The following KIAA1614 variants were observed in gnomAD, a reference collection of about 807,000 sequenced individuals.
KIAA1614 encodes KIAA1614, also known as uncharacterized protein KIAA1614.
Under a neutral mutation model 88.7 loss-of-function variants are expected in KIAA1614, and 76 were observed. The ratio of observed to expected loss-of-function variants is 0.86; its 90% CI spans 0.71 to 1.04. The LOEUF (loss-of-function observed/expected upper bound fraction) is 1.04. Among genes scored for constraint, KIAA1614 ranks in the 50% least tolerant of loss-of-function variants. The pLI is 0.00. For missense variants in KIAA1614, 1,553 were observed against 1,582.5 expected (o/e 0.98, Z 0.32); for synonymous variants, 714 against 675.5 (o/e 1.06, Z -0.88).
Position 180,935,441 on chromosome 1 carries a change from C to T in KIAA1614, c.1532C>T (p.Thr511Ile), listed in dbSNP as rs1239349579. 19 of 1,478,994 alleles carry T rather than the reference C, an allele frequency of 1.3e-5. No individual in the cohort carries two copies. Among genetic ancestry groups the T allele is most frequent in the Admixed American group, 4.8e-5 (2 of 41,664 alleles). The allele number at this position is 1,478,994 out of a possible 1,614,324, so 91.6% of individuals were successfully genotyped here. A position where few individuals can be genotyped will look rare whatever the true frequency, so the allele number is the denominator to read the frequency against. The change falls in exon 5 of 9, where the codon ACA becomes ATA. Residue 511 changes from threonine (T) to isoleucine (I), a missense_variant. Physicochemically the swap from Thr to Ile is moderately conservative, Grantham distance 89 (BLOSUM62 -1). Coordinates refer to ENST00000367588, the MANE Select transcript of KIAA1614 (RefSeq NM_020950.2). The surrounding 1 kb of genome is among the most constrained non-coding windows in gnomAD (Gnocchi z 6.1). Reference protein sequence around the residue: ...APRLRDAGQGTFHRLVGSLDR... With the variant: ...APRLRDAGQGIFHRLVGSLDR... Reference sequence around the variant, plus strand: ...CGGCTCCGGGACGCGGGGCAGGGGACATTCCACAGGCTTGTGGGCAGCCTG... The same window carrying T: ...CGGCTCCGGGACGCGGGGCAGGGGATATTCCACAGGCTTGTGGGCAGCCTG...
chr1:180,916,510 C>T lies in KIAA1614; in HGVS notation c.407C>T (p.Pro136Leu), dbSNP rs768880237. The change falls in exon 2 of 9, where the codon CCA becomes CTA. Residue 136 changes from proline to leucine, a missense_variant. Physicochemically the swap from Pro to Leu is moderately conservative, Grantham distance 98. Transcript: ENST00000367588. The part of the protein sequence containing the change: ...AGTPSEGSFL[P>L]GAVVAPRTQN... ...ACTCCATCAGAGGGGTCTTTCCTGC[C>T]AGGTGCTGTGGTGGCTCCTCGTACC... 6.2e-7 allele frequency: 1 copy of T among 1,614,052 alleles called. No homozygotes were observed. The highest frequency in any genetic ancestry group is 1.7e-5 in the Admixed American group (1 of 60,028).
chr1:180,939,055 C>T (rs1406736274), intron 6 of KIAA1614, among the ~76,000 whole-genome samples: 5 of 152,080 alleles, frequency 3.3e-5, no homozygotes, highest in Non-Finnish European at 7.4e-5. Flanking sequence ...CTTGGATTCT[C>T]GAAAGTAACC....
chr1:180,919,888 G>A (rs751414040), intron 3 of KIAA1614, among the ~76,000 whole-genome samples: 11 of 152,146 alleles, frequency 7.2e-5, no homozygotes, highest in African/African-American at 2.2e-4. Context: ...CAGGGTGTGC[G>A]TACCTGTGTA....
intron 3 of KIAA1614, among the ~76,000 whole-genome samples, chr1:180,921,107 G>C (rs1035324816): frequency 1.3e-5 from 2 of 152,122 alleles, no homozygotes; most frequent in Non-Finnish European, 1.5e-5. Flanking sequence ...CAGAAGGGCT[G>C]AGTCCAAAAA....
chr1:180,923,655 A>C (rs1353740868), intron 3 of KIAA1614, among the ~76,000 whole-genome samples: 1 of 152,180 alleles, frequency 6.6e-6, no homozygotes, highest in Non-Finnish European at 1.5e-5. Flanking sequence ...AGTGCCTGCA[A>C]GTGTGTGCAG....
intron 7 of KIAA1614, among the ~76,000 whole-genome samples, chr1:180,943,183 C>T (rs1654509052): frequency 6.6e-6 from 1 of 152,130 alleles, no homozygotes; most frequent in Non-Finnish European, 1.5e-5. Flanking sequence ...TAGGCCACCA[C>T]AGCCGGCTAA....
In KIAA1614 at chr1:180,945,963, C is replaced by T. The variant is rs10157421; in HGVS notation, c.*375C>T. 2.1e-5 allele frequency: 5 copies of T among 235,076 alleles called. No individual in the cohort carries two copies. The East Asian group carries it at 5.1e-4, about 24-fold the overall frequency. 14.6% of individuals were successfully genotyped at this position (235,076 alleles called of 1,614,324 possible). On this transcript the variant is annotated 3_prime_UTR_variant, in exon 9 of 9. Transcript: ENST00000367588. ...TACTAAAAATACAAAATTAGCTGGG[C>T]GTGGTGGCGCATGCCTATAATCCCA...
At position 180,935,483 on chromosome 1, in the gene KIAA1614, C is replaced by A; in HGVS notation, c.1574C>A (p.Pro525Gln). 1 of 1,480,694 alleles carries A rather than the reference C, an allele frequency of 6.8e-7. No individual in the cohort carries two copies. The allele number at this position is 1,480,694 out of a possible 1,614,324, so 91.7% of individuals were successfully genotyped here. The change falls in exon 5 of 9, where the codon CCG becomes CAG. Residue 525 changes from proline to glutamine, a missense_variant. Transcript: ENST00000367588. The surrounding 1 kb of genome is among the most constrained non-coding windows in gnomAD (Gnocchi z 6.1). ...GGCAGCCTGGACCGCAGGGGACACC[C>A]GGCACCGCCGGCACCGGGCAGCGAG... ...LVGSLDRRGH[P>Q]APPAPGSERR...
At position 180,946,731 on chromosome 1, in the gene KIAA1614, G is replaced by GA. The variant is rs538986186; in HGVS notation, c.*1149dup. ...TCCTAGCTCAATGCTGTTTAGCCTG[G>GA]AAAAAAGTCTGCCTGCTACCACATT... On this transcript the variant is annotated 3_prime_UTR_variant, in exon 9 of 9. Transcript: ENST00000367588. 1 of 152,206 alleles carries GA rather than the reference G, an allele frequency of 6.6e-6. No individual in the cohort carries two copies. The highest frequency in any genetic ancestry group is 1.5e-5 in the Non-Finnish European group (1 of 68,040). The allele number at this position is 152,206 out of a possible 1,614,324, so 9.4% of individuals were successfully genotyped here. A position where few individuals can be genotyped will look rare whatever the true frequency, so the allele number is the denominator to read the frequency against.
rs781745017 is a variant in KIAA1614, at chr1:180,917,889, T to C, written c.1036T>C (p.Ser346Pro). ...VGDVDWASGT[S>P]LQDSGQNRTV... ...GGATGTGGACTGGGCCTCGGGCACC[T>C]CCTTGCAGGACTCCGGCCAGAACAG... Residue 346 changes from serine to proline, a missense_variant, in exon 3 of 9, where the codon TCC becomes CCC. Coordinates refer to ENST00000367588, the MANE Select transcript of KIAA1614 (RefSeq NM_020950.2). The C allele has an allele frequency of 3.7e-6, 6 of 1,613,944 alleles. No homozygotes were observed. Among genetic ancestry groups the C allele is most frequent in the South Asian group, 1.1e-5 (1 of 91,080 alleles).
At chr1:180,919,740 A>G (rs1653912728) in intron 3 of KIAA1614, among the ~76,000 whole-genome samples, 1 of 152,168 alleles carries the variant, frequency 6.6e-6, no homozygotes, top group Non-Finnish European at 1.5e-5. Flanking sequence ...GGAGACCTCA[A>G]CCATGGGGGA....
At chr1:180,925,694 AG>A (rs1654051952) in intron 3 of KIAA1614, among the ~76,000 whole-genome samples, 1 of 152,240 alleles carries the variant, frequency 6.6e-6, no homozygotes, top group African/African-American at 2.4e-5. Flanking sequence ...TGCCCAGAGC[AG>A]GAGGGGACCA....
Position 180,935,937 on chromosome 1 carries a change from C to A in KIAA1614, c.2028C>A (p.His676Gln), listed in dbSNP as rs1654322745. Residue 676 changes from histidine (H) to glutamine (Q), a missense_variant, in exon 5 of 9, where the codon CAC becomes CAA. Coordinates refer to ENST00000367588, the MANE Select transcript of KIAA1614 (RefSeq NM_020950.2). This position sits in a 1 kb window ranked among gnomAD's most constrained non-coding sequence, Gnocchi z 6.1. Reference sequence around the variant, plus strand: ...CTTGGGGCCTTCAGGCCCAGCAACACCTGCCTAGGGCTGATGATGTGGAGG... The same window carrying A: ...CTTGGGGCCTTCAGGCCCAGCAACAACTGCCTAGGGCTGATGATGTGGAGG... ...ELPWGLQAQQ[H>Q]LPRADDVEVE... 6.2e-7 allele frequency: 1 copy of A among 1,614,016 alleles called. No homozygotes were observed. Among genetic ancestry groups the A allele is most frequent in the East Asian group, 2.2e-5 (1 of 44,886 alleles).
chr1:180,917,385 C>A (rs768121450), intron 2 of KIAA1614, among the ~76,000 whole-genome samples: 2 of 152,158 alleles, frequency 1.3e-5, no homozygotes, highest in African/African-American at 4.8e-5. Flanking sequence ...GTCTTCTTTG[C>A]GGCTTGGATT....
chr1:180,918,241 T>C (rs13374657), intron 3 of KIAA1614, among the ~76,000 whole-genome samples: 38,340 of 152,070 alleles, frequency 0.25, 5,472 homozygotes, highest in South Asian at 0.43. Flanking sequence ...AGCATCTGTC[T>C]GGTTCACTTC....
At chr1:180,939,409 G>T (rs146314725) in intron 6 of KIAA1614, among the ~76,000 whole-genome samples, 309 of 152,186 alleles carry the variant, frequency 2.0e-3, no homozygotes, top group African/African-American at 6.3e-3. Flanking sequence ...CAACTGCTTC[G>T]CCCATGTCCC....
chr1:180,926,468 T>C (rs1172866902), intron 3 of KIAA1614, among the ~76,000 whole-genome samples: 1 of 70,206 alleles, frequency 1.4e-5, no homozygotes, highest in Non-Finnish European at 2.7e-5. Context: ...GCAAGACAGC[T>C]GATGAGAAAA....
In KIAA1614 at chr1:180,938,416, G is replaced by A. The variant is rs182898956; in HGVS notation, c.2762-139G>A. ...CCCCACCTTCCCTTGCTGCTTCCCA[G>A]GTCTCTCCACTGCTCTCCTTGAGCT... On this transcript the variant is annotated intron_variant, in intron 5 of 8. Coordinates refer to ENST00000367588, the MANE Select transcript of KIAA1614 (RefSeq NM_020950.2). The A allele has an allele frequency of 4.2e-5, 38 of 910,184 alleles. No individual in the cohort carries two copies. In the African/African-American group the frequency reaches 5.4e-4, roughly 13 times the overall value. The allele number at this position is 910,184 out of a possible 1,614,324, so 56.4% of individuals were successfully genotyped here. A position where few individuals can be genotyped will look rare whatever the true frequency, so the allele number is the denominator to read the frequency against.
At chr1:180,922,215 A>T (rs888786719) in intron 3 of KIAA1614, among the ~76,000 whole-genome samples, 2 of 152,212 alleles carry the variant, frequency 1.3e-5, no homozygotes, top group African/African-American at 2.4e-5. Flanking sequence ...CAGGGGCTTT[A>T]GTTACAGGGA....
Sources: allele counts gnomAD v4.1 joint callset (sites outside exome capture counted in the v4.1 genomes callset), GRCh38; gene constraint gnomAD v4.1.1; non-coding constraint Gnocchi (gnomAD v3.1); transcripts MANE v1.5; gene names NCBI Gene and HGNC (gene_info 2026-07-23, HGNC 2026-07-21).